Variants in IQCK observed in about 807,000 individuals in gnomAD.
IQCK encodes IQ domain-containing protein K.
In IQCK, 29 loss-of-function variants were observed where a neutral mutation model predicts 28.1. That is an observed-to-expected ratio of 1.03 (90% CI 0.77 to 1.41). IQCK has a LOEUF of 1.41. IQCK is among the 40% of genes most tolerant of loss of function. IQCK has a pLI of 0.00. For synonymous variants in IQCK, 113 were observed against 115.1 expected, an observed-to-expected ratio of 0.98 and a Z score of 0.12; for missense variants, 359 against 314.7, an observed-to-expected ratio of 1.14 and a Z score of -1.07.
intron 6 of IQCK, among the ~76,000 whole-genome samples, chr16:19,771,179 C>G (rs2055315170): frequency 6.6e-6 from 1 of 152,218 alleles, no homozygotes; most frequent in African/African-American, 2.4e-5. Flanking sequence ...GCAGCCTTGA[C>G]TTCCTGGACT....
chr16:19,820,536 C>A (rs2056057782), intron 7 of IQCK, among the ~76,000 whole-genome samples: 1 of 151,928 alleles, frequency 6.6e-6, no homozygotes, highest in Non-Finnish European at 1.5e-5. Context: ...GTAGTCCCAG[C>A]TACTCGGGAG....
At chr16:19,829,367 C>T (rs1418981422), downstream of IQCK, among the ~76,000 whole-genome samples, 3 of 150,834 alleles carry the variant, frequency 2.0e-5, no homozygotes, top group Admixed American at 6.6e-5. Context: ...GACAGAGTCT[C>T]GCTCTGTCAC....
At chr16:19,747,048 G>A (rs1052768363) in intron 4 of IQCK, among the ~76,000 whole-genome samples, 3 of 152,192 alleles carry the variant, frequency 2.0e-5, no homozygotes, top group Non-Finnish European at 2.9e-5. Context: ...AGAGGCCAAG[G>A]CAGAAGGATC....
At chr16:19,745,342 C>G (rs2054896534) in intron 4 of IQCK, among the ~76,000 whole-genome samples, 1 of 152,102 alleles carries the variant, frequency 6.6e-6, no homozygotes, top group Admixed American at 6.6e-5. Context: ...TTACTAATGA[C>G]CCAGTACTGC....
chr16:19,855,678 C>T (rs966291718), intron 9 of IQCK, among the ~76,000 whole-genome samples: 3 of 152,134 alleles, frequency 2.0e-5, no homozygotes, highest in African/African-American at 4.8e-5. Context: ...GAGGTCAGGA[C>T]GAGGGCAGGT....
intron 9 of IQCK, among the ~76,000 whole-genome samples, chr16:19,836,794 T>C (rs35065633): frequency 6.6e-6 from 1 of 152,134 alleles, no homozygotes; most frequent in Non-Finnish European, 1.5e-5. Flanking sequence ...TTACAGGCGT[T>C]AGCCACCGTG....
In IQCK at chr16:19,793,643, G is replaced by GTTTTTTTT. The variant is rs1285541664; in HGVS notation, c.690+4744_690+4751dup. On this transcript the variant is annotated intron_variant, in intron 7 of 7. Coordinates refer to ENST00000564186, the Ensembl canonical transcript of IQCK. Reference sequence around the variant, plus strand: ...CAATGCCTATCGAAATCTCAGTTGGGTTTTTTTTTTTTTTTTTTTTTTTTT... The same window carrying GTTTTTTTT: ...CAATGCCTATCGAAATCTCAGTTGGGTTTTTTTTTTTTTTTTTTTTTTTTTTTTTTTTT... Among the ~76,000 whole-genome samples the GTTTTTTTT allele has an allele frequency of 3.1e-4, 19 of 61,808 alleles. 2 individuals are homozygous for GTTTTTTTT. The highest frequency in any genetic ancestry group is 5.5e-4 in the East Asian group (1 of 1,826). The allele number at this position is 61,808 out of a possible 152,430, so 40.5% of individuals were successfully genotyped here.
At chr16:19,730,253 G>T (rs897297008) in intron 1 of IQCK, among the ~76,000 whole-genome samples, 177 bp from the exon 2 acceptor site, 1 of 152,150 alleles carries the variant, frequency 6.6e-6, no homozygotes, top group Non-Finnish European at 1.5e-5. Flanking sequence ...ACCGCACCCG[G>T]CCTCTTGCTG....
intron 9 of IQCK, among the ~76,000 whole-genome samples, chr16:19,839,048 C>G (rs1371437792): frequency 1.4e-5 from 2 of 146,120 alleles, no homozygotes; most frequent in Non-Finnish European, 3.0e-5. Context: ...AAAAAGGAAG[C>G]TATTATTGCC....
chr16:19,856,561 C>A, exon 10 of IQCK: 2 of 1,608,540 alleles, frequency 1.2e-6, no homozygotes, highest in Non-Finnish European at 1.7e-6. Context: ...ATAGCTAAGA[C>A]GTATCTTTGC....
intron 1 of IQCK, 104 bp from the exon 2 acceptor site, chr16:19,730,326 C>A: frequency 2.4e-6 from 2 of 843,410 alleles, no homozygotes; most frequent in Non-Finnish European, 3.6e-6. Context: ...CTGTACACCA[C>A]CAGCCAAAAT....
chr16:19,825,507 C>T lies in IQCK; in HGVS notation c.691-1519C>T, dbSNP rs1034351041. On this transcript the variant is annotated intron_variant, in intron 7 of 7. Transcript: ENST00000564186. The surrounding 1 kb of genome is among the most constrained non-coding windows in gnomAD (Gnocchi z 4.2). ...TGCACTCCAGCCTGGGCAGCAAGAACGAAACTCCATCTCAAAAAAAAAAAA... is the reference window on the plus strand; with the variant it reads ...TGCACTCCAGCCTGGGCAGCAAGAATGAAACTCCATCTCAAAAAAAAAAAA... 8.0e-5 allele frequency among the ~76,000 whole-genome samples: 12 copies of T among 150,150 alleles called. No individual in the cohort carries two copies. The highest frequency in any genetic ancestry group is 1.7e-4 in the African/African-American group (7 of 40,652).
At chr16:19,789,213 G>A (rs537460438) in intron 7 of IQCK, 17 of 123,720 alleles carry the variant, frequency 1.4e-4, no homozygotes, top group Non-Finnish European at 2.6e-4. Context: ...ACGAAACCTC[G>A]TATCTGCCAA....
chr16:19,813,378 G>C (rs904637576), intron 7 of IQCK, among the ~76,000 whole-genome samples: 3 of 152,136 alleles, frequency 2.0e-5, no homozygotes, highest in African/African-American at 7.2e-5. Flanking sequence ...ATACCAAAAT[G>C]CTTCATGGTG....
At chr16:19,751,431 T>TCTG (rs2054985347) in intron 4 of IQCK, among the ~76,000 whole-genome samples, 1 of 151,990 alleles carries the variant, frequency 6.6e-6, no homozygotes, top group Non-Finnish European at 1.5e-5. Flanking sequence ...TGAGCTATGA[T>TCTG]CACACCACTG....
At chr16:19,847,550 TCTC>T (rs1187332816) in intron 9 of IQCK, among the ~76,000 whole-genome samples, 1 of 152,242 alleles carries the variant, frequency 6.6e-6, no homozygotes, top group Non-Finnish European at 1.5e-5. Context: ...TTTTGCTTCT[TCTC>T]TGCCTAACTG....
intron 9 of IQCK, among the ~76,000 whole-genome samples, chr16:19,833,694 T>C (rs1457272869): frequency 1.3e-5 from 2 of 152,190 alleles, no homozygotes; most frequent in African/African-American, 4.8e-5. Flanking sequence ...TTTTCCCTAA[T>C]TTTAATTTAG....
At chr16:19,836,704 G>A (rs570080428) in intron 9 of IQCK, among the ~76,000 whole-genome samples, 2 of 152,254 alleles carry the variant, frequency 1.3e-5, no homozygotes, top group East Asian at 3.9e-4. Flanking sequence ...AGTAGAGATG[G>A]GGTTTCACCA....
At chr16:19,815,028 C>T (rs1427651966) in intron 7 of IQCK, among the ~76,000 whole-genome samples, 1 of 152,128 alleles carries the variant, frequency 6.6e-6, no homozygotes, top group East Asian at 1.9e-4. Context: ...CTCAAGTGAT[C>T]CAGCTACCTC....
Sources: gnomAD v4.1 joint callset for allele counts (sites outside exome capture counted in the v4.1 genomes callset) on GRCh38, gnomAD v4.1.1 for gene constraint, Gnocchi (gnomAD v3.1) non-coding constraint, MANE v1.5 for transcripts, NCBI Gene and HGNC (gene_info 2026-07-23, HGNC 2026-07-21) for gene names.